Variants in PKNOX2 observed in about 807,000 individuals in gnomAD.
PKNOX2 encodes homeobox protein PKNOX2.
A neutral mutation model predicts 53.1 loss-of-function variants in PKNOX2; 14 were observed. The ratio of observed to expected loss-of-function variants is 0.26; its 90% CI spans 0.17 to 0.41. The LOEUF (loss-of-function observed/expected upper bound fraction) is 0.41, where lower values mean the gene tolerates loss of function less well. Ranked by LOEUF, PKNOX2 falls within the 10% of genes least tolerant of loss-of-function variation. PKNOX2 has a pLI of 1.00. For synonymous variants in PKNOX2, 257 were observed against 242.8 expected (o/e 1.06, Z -0.54); for missense variants, 496 against 602.8 (o/e 0.82, Z 1.85).
intron 2 of PKNOX2, among the ~76,000 whole-genome samples, chr11:125,273,374 A>G (rs1945944385): frequency 6.6e-6 from 1 of 152,200 alleles, no homozygotes; most frequent in South Asian, 2.1e-4. Flanking sequence ...GGATGGGCAG[A>G]TGGGAGAAGG....
At chr11:125,411,520 C>A in intron 9 of PKNOX2, 1 of 459,112 alleles carries the variant, frequency 2.2e-6, no homozygotes, top group Non-Finnish European at 4.1e-6. Context: ...CCCCCCCTTC[C>A]CCATCTCTTC....
chr11:125,304,989 A>T (rs569133795), intron 2 of PKNOX2, among the ~76,000 whole-genome samples: 1 of 152,332 alleles, frequency 6.6e-6, no homozygotes, highest in East Asian at 1.9e-4. Context: ...CACGCAAGGA[A>T]ATGAAAACCA....
chr11:125,311,296 A>C (rs1423919390), intron 2 of PKNOX2, among the ~76,000 whole-genome samples: 1 of 152,210 alleles, frequency 6.6e-6, no homozygotes, highest in Non-Finnish European at 1.5e-5. Flanking sequence ...CCTTAGAAAT[A>C]GCATTAGCAA....
rs945274936 is a variant in PKNOX2 at position 125,424,120 on chromosome 11, G to C, written c.937-4892G>C. On this transcript the variant is annotated intron_variant, in intron 10 of 12. Coordinates refer to ENST00000298282, the MANE Select transcript of PKNOX2 (RefSeq NM_001382323.2). ...CAGGAGATCTTTGGAGAGGTGTTTG[G>C]GGGGACAGAAGGGGGTTTGTGGGGT... Among the ~76,000 whole-genome samples, 5 of 151,898 alleles carry C rather than the reference G, an allele frequency of 3.3e-5. No homozygotes were observed. The South Asian group carries it at 8.4e-4, about 25-fold the overall frequency.
At chr11:125,178,272 G>A (rs961274807) in intron 1 of PKNOX2, among the ~76,000 whole-genome samples, 3 of 151,680 alleles carry the variant, frequency 2.0e-5, no homozygotes, top group East Asian at 3.9e-4. Context: ...AGCACTTTGG[G>A]AAGCCGAGGT....
Position 125,215,220 on chromosome 11 carries a change from G to A in PKNOX2, c.-200-19825G>A, listed in dbSNP as rs189398246. Reference sequence around the variant, plus strand: ...CCCCCACCAGGAAGACGGGGCTTAGGAGTTAGTGCAGTAATCATTGGTTTT... The same window carrying A: ...CCCCCACCAGGAAGACGGGGCTTAGAAGTTAGTGCAGTAATCATTGGTTTT... On this transcript the variant is annotated intron_variant, in intron 1 of 12. Coordinates refer to ENST00000298282, the MANE Select transcript of PKNOX2 (RefSeq NM_001382323.2). 4.4e-3 allele frequency among the ~76,000 whole-genome samples: 675 copies of A among 152,156 alleles called. 12 individuals are homozygous for A. Among genetic ancestry groups the A allele is most frequent in the Non-Finnish European group, 7.1e-3 (483 of 67,980 alleles).
chr11:125,268,292 T>G (rs1194942902), intron 2 of PKNOX2, among the ~76,000 whole-genome samples: 1 of 152,208 alleles, frequency 6.6e-6, no homozygotes, highest in African/African-American at 2.4e-5. Flanking sequence ...GGGAACCGCG[T>G]GCTGTAGAAG....
At position 125,214,698 on chromosome 11, in the gene PKNOX2, G is replaced by T. The variant is rs1271156437; in HGVS notation, c.-200-20347G>T. ...GCAATGCAGCCCCTGCCTGAGGGGT[G>T]GAGGGGATGGGGTGCAGCCTCTCCA... On this transcript the variant is annotated intron_variant, in intron 1 of 12. Coordinates refer to ENST00000298282, the MANE Select transcript of PKNOX2 (RefSeq NM_001382323.2). Among the ~76,000 whole-genome samples the T allele has an allele frequency of 2.0e-5, 3 of 152,044 alleles. 1 individual carries two copies. The highest frequency in any genetic ancestry group is 4.4e-5 in the Non-Finnish European group (3 of 67,954).
chr11:125,293,821 A>ACTCGCTCACACACACTCACACACT (rs1947479650), intron 2 of PKNOX2, among the ~76,000 whole-genome samples: 1 of 151,640 alleles, frequency 6.6e-6, no homozygotes, highest in Non-Finnish European at 1.5e-5. Context: ...ACTCACACAC[A>ACTCGCTCACACACACTCACACACT]CTCACTCACA....
At chr11:125,363,016 C>T (rs987358535) in intron 4 of PKNOX2, among the ~76,000 whole-genome samples, 19 of 152,206 alleles carry the variant, frequency 1.2e-4, no homozygotes, top group African/African-American at 4.3e-4. Context: ...TAGCTGCGAG[C>T]TTAAGGCAGA....
intron 2 of PKNOX2, among the ~76,000 whole-genome samples, chr11:125,300,773 G>T (rs1948004817): frequency 6.6e-6 from 1 of 152,142 alleles, no homozygotes; most frequent in African/African-American, 2.4e-5. Flanking sequence ...AACAGGCAGG[G>T]CCCTGCATTT....
intron 1 of PKNOX2, among the ~76,000 whole-genome samples, chr11:125,223,967 G>A (rs1038456692): frequency 6.6e-6 from 1 of 152,248 alleles, no homozygotes; most frequent in African/African-American, 2.4e-5. Context: ...AGGCAATTTA[G>A]CGACAAGAAG....
At chr11:125,391,044 G>A (rs773214434) in intron 6 of PKNOX2, among the ~76,000 whole-genome samples, 8 of 152,200 alleles carry the variant, frequency 5.3e-5, no homozygotes, top group Non-Finnish European at 1.0e-4. Context: ...AAATATCATA[G>A]CACGTTAAGG....
At chr11:125,393,040 G>T (rs1011698976) in intron 6 of PKNOX2, among the ~76,000 whole-genome samples, 23 of 151,646 alleles carry the variant, frequency 1.5e-4, no homozygotes, top group African/African-American at 4.6e-4. Context: ...TGGCGGGCGT[G>T]GTCCCAGCTG....
intron 9 of PKNOX2, chr11:125,411,131 G>T (rs143288091): frequency 1.6e-5 from 7 of 433,160 alleles, no homozygotes; most frequent in Non-Finnish European, 3.0e-5. Context: ...AGACTGAGCC[G>T]CTGTGTCCCT....
intron 2 of PKNOX2, among the ~76,000 whole-genome samples, chr11:125,288,318 C>T (rs1038833439): frequency 6.6e-6 from 1 of 152,204 alleles, no homozygotes; most frequent in African/African-American, 2.4e-5. Context: ...TACCCGAGAT[C>T]ACTACATAAA....
intron 6 of PKNOX2, among the ~76,000 whole-genome samples, chr11:125,387,962 T>C (rs527684152): frequency 1.4e-3 from 217 of 152,108 alleles, no homozygotes; most frequent in African/African-American, 5.0e-3. Flanking sequence ...GTGATGGTAA[T>C]ACAAAATTAA....
rs142070294 is a variant in PKNOX2 at position 125,371,228 on chromosome 11, T to C, written c.227+3243T>C. Among the ~76,000 whole-genome samples, 103 of 152,158 alleles carry C rather than the reference T, an allele frequency of 6.8e-4. No individual in the cohort carries two copies. In the Middle Eastern group the frequency reaches 0.01, roughly 15 times the overall value. ...TGCAGTCTAATCCGAGCAGATCCCA[T>C]GATTGGATGCACATCGCGGGTAATT... On this transcript the variant is annotated intron_variant, in intron 5 of 12. Transcript: ENST00000298282.
chr11:125,209,577 C>G (rs569056631), intron 1 of PKNOX2, among the ~76,000 whole-genome samples: 11 of 151,968 alleles, frequency 7.2e-5, no homozygotes, highest in African/African-American at 2.4e-4. Flanking sequence ...TAGGAAAACT[C>G]AGAAGGCACA....
Sources: gnomAD v4.1 joint callset for allele counts (sites outside exome capture counted in the v4.1 genomes callset) on GRCh38, gnomAD v4.1.1 for gene constraint, MANE v1.5 for transcripts, NCBI Gene and HGNC (gene_info 2026-07-23, HGNC 2026-07-21) for gene names.